The following RAB33A variants were observed in gnomAD, a reference collection of about 807,000 sequenced individuals.
RAB33A encodes RAB33A, member RAS oncogene family.
A neutral mutation model predicts 12.0 loss-of-function variants in RAB33A; 6 were observed. That is an observed-to-expected ratio of 0.50 (90% confidence interval 0.27 to 0.99). The LOEUF (loss-of-function observed/expected upper bound fraction) is 0.99. Ranked by LOEUF, RAB33A falls within the 50% of genes least tolerant of loss-of-function variation. RAB33A has a pLI of 0.11. For missense variants in RAB33A, 109 were observed against 192.0 expected, an observed-to-expected ratio of 0.57 and a Z score of 2.55; for synonymous variants, 70 against 82.4, an observed-to-expected ratio of 0.85 and a Z score of 0.81.
chrX:130,173,967 T>C (rs1380922279), intron 1 of RAB33A, among the ~76,000 whole-genome samples: 1 of 111,651 alleles, frequency 9.0e-6, no homozygotes, highest in Non-Finnish European at 1.9e-5. Context: ...AGGTGGGAAA[T>C]AAGTCCATCT....
At chrX:130,116,070 T>C in the RAB33A span, among the ~76,000 whole-genome samples, 1 of 108,206 alleles carries the variant, frequency 9.2e-6, no homozygotes, top group African/African-American at 3.4e-5. Flanking sequence ...TGATAGCCCA[T>C]CATGTTTTCC....
chrX:130,165,507 G>T, the RAB33A span: 75 of 1,082,324 alleles, frequency 6.9e-5, no homozygotes, highest in Admixed American at 1.8e-3. Flanking sequence ...AGCCTAAGGC[G>T]CCAGGCCCTC....
chrX:130,137,318 CT>C, the RAB33A span: 1 of 1,178,503 alleles, frequency 8.5e-7, no homozygotes, highest in Non-Finnish European at 1.1e-6. Flanking sequence ...CGAGCGCCCA[CT>C]TACAGGACAG....
the RAB33A span, chrX:130,156,361 A>G: frequency 1.8e-6 from 2 of 1,117,215 alleles, no homozygotes; most frequent in South Asian, 3.7e-5. Context: ...CCAAAAGGAG[A>G]AAGGGGAATT....
chrX:130,128,533 T>C, the RAB33A span, among the ~76,000 whole-genome samples: 451 of 111,707 alleles, frequency 4.0e-3, 4 homozygotes, highest in African/African-American at 0.013. Context: ...GGTCGCACCA[T>C]TGCACTCCAG....
At chrX:130,121,249 TTTC>T in the RAB33A span, among the ~76,000 whole-genome samples, 1 of 107,877 alleles carries the variant, frequency 9.3e-6, no homozygotes, top group Non-Finnish European at 1.9e-5. Flanking sequence ...TTTCTTTTCT[TTTC>T]TTTTTTTTTT....
chrX:130,113,077 CTTTTTTT>C, the RAB33A span, among the ~76,000 whole-genome samples: 1 of 46,981 alleles, frequency 2.1e-5, no homozygotes, highest in Non-Finnish European at 3.6e-5. Flanking sequence ...TTTTTTCCTT[CTTTTTTT>C]TTTTTTTTTT....
chrX:130,129,692 C>CAAT, the RAB33A span: 1 of 1,032,000 alleles, frequency 9.7e-7, no homozygotes, highest in Non-Finnish European at 1.4e-6. Context: ...CATGCCCACA[C>CAAT]AATGGGGCTA....
chrX:130,126,385 G>A, the RAB33A span, among the ~76,000 whole-genome samples: 3 of 110,505 alleles, frequency 2.7e-5, no homozygotes, highest in African/African-American at 6.6e-5. Context: ...CCAGCTACCC[G>A]GGAGGCTGAG....
the RAB33A span, among the ~76,000 whole-genome samples, chrX:130,117,615 C>T: frequency 6.0e-4 from 68 of 112,410 alleles, no homozygotes; most frequent in African/African-American, 2.1e-3. Flanking sequence ...GCAGAGTCAG[C>T]AAATGAGATG....
chrX:130,174,732 AGTCT>A (rs976713188), intron 1 of RAB33A, among the ~76,000 whole-genome samples: 1 of 111,380 alleles, frequency 9.0e-6, no homozygotes. Context: ...AGCTCTTCTC[AGTCT>A]AAGAGCAAGG....
At chrX:130,117,180 C>G in the RAB33A span, among the ~76,000 whole-genome samples, 8 of 112,289 alleles carry the variant, frequency 7.1e-5, no homozygotes, top group African/African-American at 1.9e-4. Context: ...TGCCACTGCA[C>G]TCCAGCCTGG....
upstream of RAB33A, among the ~76,000 whole-genome samples, chrX:130,169,055 A>G (rs2031576461): frequency 9.1e-6 from 1 of 109,839 alleles, no homozygotes; most frequent in Non-Finnish European, 1.9e-5. Flanking sequence ...AAAATACAAA[A>G]AAATTAGCCA....
chrX:130,133,171 G>C, the RAB33A span: 1 of 739,940 alleles, frequency 1.4e-6, no homozygotes, highest in Non-Finnish European at 2.1e-6. Flanking sequence ...CCTGAGGGTA[G>C]AATGTGTGGA....
chrX:130,159,965 C>T, the RAB33A span, among the ~76,000 whole-genome samples: 2 of 109,748 alleles, frequency 1.8e-5, no homozygotes, highest in Non-Finnish European at 1.9e-5. Context: ...GGACTACAGG[C>T]GTGAGCCACC....
the RAB33A span, among the ~76,000 whole-genome samples, chrX:130,126,639 G>A: frequency 4.8e-4 from 54 of 111,794 alleles, no homozygotes; most frequent in African/African-American, 1.7e-3. Flanking sequence ...TAAACAACCT[G>A]AATTACAGAG....
the RAB33A span, among the ~76,000 whole-genome samples, chrX:130,132,210 CAGATCACG>C: frequency 8.9e-6 from 1 of 112,077 alleles, no homozygotes; most frequent in East Asian, 2.8e-4. Context: ...ACTTAGTATG[CAGATCACG>C]AGAGATGCCA....
intron 1 of RAB33A, among the ~76,000 whole-genome samples, chrX:130,177,495 A>T (rs957447806): frequency 9.8e-5 from 11 of 111,920 alleles, no homozygotes; most frequent in African/African-American, 3.3e-4. Context: ...AAGAGCTGGG[A>T]TGCTTGCTGC....
chrX:130,172,269 C>T lies in RAB33A; in HGVS notation c.207C>T (p.Ile69=), dbSNP rs150054465. 1.4e-5 allele frequency: 17 copies of T among 1,210,569 alleles called. No homozygotes were observed. In the African/African-American group the frequency reaches 2.6e-4, roughly 19 times the overall value. The change falls in exon 1 of 2, where the codon ATC becomes ATT. Residue 69 remains isoleucine (I), a synonymous_variant. Transcript: ENST00000257017. The part of the protein sequence containing the change: ...GTFPDKTEAT[I]GVDFREKTVE... ...TCCCAGACAAGACTGAAGCCACCAT[C>T]GGCGTGGACTTCAGGGAGAAGACCG...
Sources: gnomAD v4.1 joint callset for allele counts (sites outside exome capture counted in the v4.1 genomes callset) on GRCh38, gnomAD v4.1.1 for gene constraint, MANE v1.5 for transcripts, NCBI Gene and HGNC (gene_info 2026-07-23, HGNC 2026-07-21) for gene names.